The following NFIB variants were observed in gnomAD, a reference collection of about 807,000 sequenced individuals.
The protein encoded by NFIB is nuclear factor 1 B-type.
In NFIB, 11 loss-of-function variants were observed where a neutral mutation model predicts 61.5. The ratio of observed to expected loss-of-function variants is 0.18; its 90% CI spans 0.11 to 0.30. NFIB has a LOEUF of 0.30. Ranked by LOEUF, NFIB falls within the 10% of genes least tolerant of loss-of-function variation. NFIB has a pLI of 1.00. For missense variants in NFIB, 471 were observed against 608.9 expected, an observed-to-expected ratio of 0.77 and a Z score of 2.38; for synonymous variants, 260 against 216.5, an observed-to-expected ratio of 1.20 and a Z score of -1.76.
intron 2 of NFIB, among the ~76,000 whole-genome samples, chr9:14,228,523 T>C (rs2052729866): frequency 6.6e-6 from 1 of 152,204 alleles, no homozygotes. Flanking sequence ...CTATACAATG[T>C]TCCACTCGAA....
the NFIB span, among the ~76,000 whole-genome samples, chr9:14,517,275 G>A: frequency 6.6e-6 from 1 of 152,146 alleles, no homozygotes; most frequent in Non-Finnish European, 1.5e-5. Context: ...TGAGTATCTG[G>A]GGCAGAAACT....
At chr9:14,163,221 C>G (rs1182041804) in intron 3 of NFIB, among the ~76,000 whole-genome samples, 1 of 151,472 alleles carries the variant, frequency 6.6e-6, no homozygotes, top group Non-Finnish European at 1.5e-5. Context: ...AATAAGAATG[C>G]AATCAAGGCA....
rs1476156409 is a variant in NFIB, at chr9:14,242,452, T to G, written c.563-62672A>C. On this transcript the variant is annotated intron_variant, in intron 2 of 10. Coordinates refer to ENST00000380953, the MANE Select transcript of NFIB (RefSeq NM_001190737.2). Reference sequence around the variant, plus strand: ...CATGCCTAACTTTTTCAGGGCATCATGATCTCTCCCCTTGTTCTATACATC... The same window carrying G: ...CATGCCTAACTTTTTCAGGGCATCAGGATCTCTCCCCTTGTTCTATACATC... 2.0e-5 allele frequency among the ~76,000 whole-genome samples: 3 copies of G among 152,322 alleles called. No homozygotes were observed. In the East Asian group the frequency reaches 5.8e-4, roughly 29 times the overall value.
At chr9:14,190,509 G>A (rs975555439) in intron 2 of NFIB, among the ~76,000 whole-genome samples, 4 of 152,162 alleles carry the variant, frequency 2.6e-5, no homozygotes, top group African/African-American at 9.7e-5. Context: ...ACAGTTCCTT[G>A]ATAAGTGGTT....
intron 1 of NFIB, among the ~76,000 whole-genome samples, chr9:14,378,449 C>T (rs560879765): frequency 3.3e-5 from 5 of 152,264 alleles, no homozygotes; most frequent in Admixed American, 6.5e-5. Flanking sequence ...CTCCGCCTCC[C>T]GGGTTCAAGC....
chr9:14,400,715 A>G (rs538574424), upstream of NFIB, among the ~76,000 whole-genome samples: 29 of 152,360 alleles, frequency 1.9e-4, no homozygotes, highest in African/African-American at 6.5e-4. Flanking sequence ...AATGGAAGGC[A>G]GTGATTGGGA....
chr9:14,253,551 C>G (rs2055886396), intron 2 of NFIB, among the ~76,000 whole-genome samples: 1 of 152,150 alleles, frequency 6.6e-6, no homozygotes, highest in South Asian at 2.1e-4. Context: ...ATGTTTTAGC[C>G]TAGCACAGGG....
rs535783202 is a variant in NFIB, at chr9:14,209,029, AT to A, written c.563-29250del. On this transcript the variant is annotated intron_variant, in intron 2 of 10. Transcript: ENST00000380953. ...AGTAGCATGTCAGAGTAAACAAGTT[AT>A]TTTTTTCCACTATCACTTTCTTACA... is the stretch of plus-strand genomic sequence containing the variant. Among the ~76,000 whole-genome samples, 257 of 152,254 alleles carry A rather than the reference AT, an allele frequency of 1.7e-3. 4 individuals carry two copies. Among genetic ancestry groups the A allele is most frequent in the Non-Finnish European group, 2.2e-4 (15 of 68,022 alleles).
At chr9:14,455,544 G>C in the NFIB span, among the ~76,000 whole-genome samples, 1 of 152,026 alleles carries the variant, frequency 6.6e-6, no homozygotes, top group Non-Finnish European at 1.5e-5. Flanking sequence ...CAAAACTTGT[G>C]GATTAGGGAA....
At chr9:14,369,965 G>T (rs772146080) in intron 1 of NFIB, among the ~76,000 whole-genome samples, 2 of 152,182 alleles carry the variant, frequency 1.3e-5, no homozygotes, top group Admixed American at 1.3e-4. Context: ...GGTAAGACAA[G>T]GTTATGTCCT....
chr9:14,520,547 C>G, the NFIB span, among the ~76,000 whole-genome samples: 4 of 152,194 alleles, frequency 2.6e-5, no homozygotes, highest in Admixed American at 1.3e-4. Context: ...AACAGTCACT[C>G]TCTTCCAATG....
intron 1 of NFIB, among the ~76,000 whole-genome samples, chr9:14,324,760 TA>T (rs1269357629): frequency 2.0e-5 from 3 of 152,146 alleles, no homozygotes; most frequent in African/African-American, 7.2e-5. Context: ...TATCTTTTTT[TA>T]TTTGGATGTC....
the NFIB span, among the ~76,000 whole-genome samples, chr9:14,407,537 A>T: frequency 6.6e-6 from 1 of 152,150 alleles, no homozygotes; most frequent in Non-Finnish European, 1.5e-5. Flanking sequence ...GCAACAAAGG[A>T]GTTAGAGGAT....
In NFIB at chr9:14,157,182, T is replaced by G. The variant is rs562839814; in HGVS notation, c.617-1289A>C. Among the ~76,000 whole-genome samples, 3 of 152,294 alleles carry G rather than the reference T, an allele frequency of 2.0e-5. No homozygotes were observed. In the South Asian group the frequency reaches 6.2e-4, roughly 32 times the overall value. On this transcript the variant is annotated intron_variant, in intron 3 of 10. Coordinates refer to ENST00000380953, the MANE Select transcript of NFIB (RefSeq NM_001190737.2). ...AGCATGTTACCAACAAATTAAGATC[T>G]TAGGGCCAGTGGAACCTGCGATCAG...
intron 1 of NFIB, among the ~76,000 whole-genome samples, chr9:14,310,868 T>C (rs1446614719): frequency 6.6e-6 from 1 of 152,128 alleles, no homozygotes; most frequent in African/African-American, 2.4e-5. Context: ...TCCGTTTCCA[T>C]GAAAGGGATG....
At chr9:14,130,758 G>C (rs1277269169) in intron 6 of NFIB, among the ~76,000 whole-genome samples, 1 of 152,138 alleles carries the variant, frequency 6.6e-6, no homozygotes, top group Admixed American at 6.6e-5. Flanking sequence ...AGAATCTCTG[G>C]CATGTGAAAG....
intron 10 of NFIB, among the ~76,000 whole-genome samples, chr9:14,109,555 T>C (rs1322434100): frequency 6.6e-6 from 1 of 152,052 alleles, no homozygotes; most frequent in South Asian, 2.1e-4. Flanking sequence ...TAAAGAAGAA[T>C]GAAGCTCCAA....
chr9:14,148,030 T>C (rs904272020), intron 5 of NFIB, among the ~76,000 whole-genome samples: 3 of 152,176 alleles, frequency 2.0e-5, no homozygotes, highest in Non-Finnish European at 4.4e-5. Flanking sequence ...AGCTATTTTA[T>C]ACCCATAGTG....
chr9:14,340,385 C>G (rs1024615280), intron 1 of NFIB, among the ~76,000 whole-genome samples: 2 of 152,140 alleles, frequency 1.3e-5, no homozygotes, highest in African/African-American at 4.8e-5. Context: ...TAGAATCGCC[C>G]AGGGGAACTT....
Sources: gnomAD v4.1 joint callset for allele counts (sites outside exome capture counted in the v4.1 genomes callset) on GRCh38, gnomAD v4.1.1 for gene constraint, MANE v1.5 for transcripts, NCBI Gene and HGNC (gene_info 2026-07-23, HGNC 2026-07-21) for gene names.